The following FAT3 variants were observed in gnomAD, a reference collection of about 807,000 sequenced individuals.
FAT3 encodes the protein FAT atypical cadherin 3, also known as protocadherin Fat 3.
FAT3 carries 95 observed loss-of-function variants against 310.2 expected under a neutral mutation model. The ratio of observed to expected loss-of-function variants is 0.31; its 90% CI spans 0.26 to 0.36. The LOEUF (loss-of-function observed/expected upper bound fraction) is 0.36, where lower values mean the gene tolerates loss of function less well. FAT3 is among the 10% of genes least tolerant of loss of function. The probability of loss-of-function intolerance (pLI) is 1.00; values close to 1 mark genes in which losing one functional copy is unlikely to be tolerated. For missense variants in FAT3, 5,408 were observed against 5,715.6 expected, an observed-to-expected ratio of 0.95 and a Z score of 1.74; for synonymous variants, 2,314 against 2,192.9, an observed-to-expected ratio of 1.06 and a Z score of -1.54.
chr11:92,266,208 G>A (rs997141578), intron 1 of FAT3, among the ~76,000 whole-genome samples: 18 of 152,204 alleles, frequency 1.2e-4, no homozygotes, highest in African/African-American at 3.4e-4. Flanking sequence ...ATTTCTCTTC[G>A]AAATTCATTG....
At position 92,497,569 on chromosome 11, in the gene FAT3, C is replaced by G. The variant is rs558120057; in HGVS notation, c.3293-27065C>G. On this transcript the variant is annotated intron_variant, in intron 2 of 27. Transcript: ENST00000525166. ...AGAAATGTAATAGTTGGCTGGAGGT[C>G]ACACAGCTACTTAATGACAGAGTCA... Among the ~76,000 whole-genome samples, 7 of 152,112 alleles carry G rather than the reference C, an allele frequency of 4.6e-5. No homozygotes were observed. The East Asian group carries it at 1.2e-3, about 25-fold the overall frequency.
intron 19 of FAT3, among the ~76,000 whole-genome samples, chr11:92,846,332 A>C (rs139758335): frequency 6.6e-6 from 1 of 152,188 alleles, no homozygotes; most frequent in Non-Finnish European, 1.5e-5. Context: ...CAAAAAAGAT[A>C]CAGTTACTGC....
In FAT3 at chr11:92,847,934, C is replaced by A. The variant is rs550735226; in HGVS notation, c.11365+3202C>A. Among the ~76,000 whole-genome samples the A allele has an allele frequency of 7.9e-5, 12 of 152,138 alleles. No homozygotes were observed. The South Asian group carries it at 2.5e-3, about 32-fold the overall frequency. On this transcript the variant is annotated intron_variant, in intron 19 of 27. Transcript: ENST00000525166. ...CTCCCCCCAAACACACACACACACA[C>A]ACACACAGACGTGCACCCACAGGTG...
chr11:92,466,555 CTT>C (rs903515077), intron 2 of FAT3, among the ~76,000 whole-genome samples: 1 of 148,824 alleles, frequency 6.7e-6, no homozygotes. Flanking sequence ...TTCCGCATAT[CTT>C]TTTTTTTTAA....
In FAT3 at chr11:92,798,672, G is replaced by A. The variant is rs780105213; in HGVS notation, c.5659G>A (p.Val1887Met). 17 of 1,613,646 alleles carry A rather than the reference G, an allele frequency of 1.1e-5. No individual in the cohort carries two copies. The Admixed American group carries it at 1.8e-4, about 17-fold the overall frequency. Residue 1887 changes from valine to methionine, a missense_variant, in exon 10 of 28, where the codon GTG becomes ATG. This residue lies in a region of FAT3 where 4,588 missense variants were observed against 4,809.8 expected (regional missense o/e 0.95). Transcript: ENST00000525166. ...NDNPPVFTQAVFETILLLPTY... is the reference protein window; with the variant it reads ...NDNPPVFTQAMFETILLLPTY... ...TAACCCACCTGTTTTTACTCAGGCT[G>A]TGTTTGAGACTATCTTACTTCTACC...
intron 1 of FAT3, among the ~76,000 whole-genome samples, chr11:92,257,939 A>G (rs921889132): frequency 6.6e-6 from 1 of 152,144 alleles, no homozygotes; most frequent in Non-Finnish European, 1.5e-5. Context: ...TACCTCAAAC[A>G]TTCACATATG....
chr11:92,396,332 C>A (rs984109013), intron 2 of FAT3, among the ~76,000 whole-genome samples: 3 of 152,130 alleles, frequency 2.0e-5, no homozygotes, highest in Non-Finnish European at 4.4e-5. Context: ...GTTTACTTAT[C>A]TAAACCTTGG....
intron 1 of FAT3, among the ~76,000 whole-genome samples, chr11:92,232,984 T>C (rs1864252610): frequency 6.6e-6 from 1 of 152,224 alleles, no homozygotes. Flanking sequence ...ATCCTTTTTA[T>C]TCCTGACTGT....
chr11:92,396,809 C>T (rs973652948), intron 2 of FAT3, among the ~76,000 whole-genome samples: 4 of 152,098 alleles, frequency 2.6e-5, no homozygotes, highest in Non-Finnish European at 4.4e-5. Context: ...GGGGTTGAAG[C>T]GATTCTCCTG....
At chr11:92,697,127 T>G (rs1032810824) in intron 3 of FAT3, among the ~76,000 whole-genome samples, 4 of 152,208 alleles carry the variant, frequency 2.6e-5, no homozygotes, top group Admixed American at 6.5e-5. Flanking sequence ...CAGAAGTTTT[T>G]TTAGTGATTT....
Position 92,353,924 on chromosome 11 carries a change from T to C in FAT3, c.1812T>C (p.Asp604=). The part of the protein sequence containing the change: ...GGHITAVSAI[D]IDELELVKYK... ...ACATCACAGCAGTCTCAGCGATCGA[T>C]ATCGATGAACTTGAACTTGTAAAGT... The change falls in exon 2 of 28, where the codon GAT becomes GAC. Residue 604 remains aspartate (D), a synonymous_variant. Coordinates refer to ENST00000525166, the MANE Select transcript of FAT3 (RefSeq NM_001367949.2). 1 of 1,611,910 alleles carries C rather than the reference T, an allele frequency of 6.2e-7. No individual in the cohort carries two copies. Among genetic ancestry groups the C allele is most frequent in the African/African-American group, 1.3e-5 (1 of 75,028 alleles).
intron 2 of FAT3, among the ~76,000 whole-genome samples, chr11:92,518,428 G>C (rs924401299): frequency 6.6e-6 from 1 of 152,000 alleles, no homozygotes; most frequent in African/African-American, 2.4e-5. Flanking sequence ...ACCAGACCCT[G>C]CACGTTCTCA....
chr11:92,703,174 AT>A (rs775057049), intron 4 of FAT3, among the ~76,000 whole-genome samples: 54 of 152,284 alleles, frequency 3.5e-4, no homozygotes, highest in Non-Finnish European at 6.6e-4. Context: ...AGGGAAAAAA[AT>A]ATTGTTCTTT....
At chr11:92,580,002 C>T (rs956228769) in intron 3 of FAT3, among the ~76,000 whole-genome samples, 12 of 152,042 alleles carry the variant, frequency 7.9e-5, no homozygotes, top group African/African-American at 2.9e-4. Flanking sequence ...ATTACATAAA[C>T]ACAGTTATTC....
intron 3 of FAT3, among the ~76,000 whole-genome samples, chr11:92,603,409 A>C (rs1413162178): frequency 6.6e-6 from 1 of 152,218 alleles, no homozygotes; most frequent in Non-Finnish European, 1.5e-5. Context: ...TCTCAAGATT[A>C]ATTGCTTGAT....
intron 3 of FAT3, among the ~76,000 whole-genome samples, chr11:92,596,684 A>T (rs1005999715): frequency 3.9e-5 from 6 of 152,188 alleles, no homozygotes; most frequent in Admixed American, 2.0e-4. Context: ...TGTGTTTATT[A>T]AAAAAGTTTT....
intron 1 of FAT3, among the ~76,000 whole-genome samples, chr11:92,348,210 A>G (rs1189202668): frequency 6.6e-6 from 1 of 152,134 alleles, no homozygotes; most frequent in Admixed American, 6.5e-5. Context: ...ACTGAATTTG[A>G]CAAACTTAGT....
intron 3 of FAT3, among the ~76,000 whole-genome samples, chr11:92,553,075 G>C (rs1954878044): frequency 6.6e-6 from 1 of 152,020 alleles, no homozygotes; most frequent in Non-Finnish European, 1.5e-5. Flanking sequence ...AGAAAAACAA[G>C]AGCACTTTTC....
At chr11:92,595,953 C>A (rs190719984) in intron 3 of FAT3, among the ~76,000 whole-genome samples, 3 of 152,022 alleles carry the variant, frequency 2.0e-5, no homozygotes, top group Non-Finnish European at 4.4e-5. Flanking sequence ...TAACCTGGAA[C>A]AAGAGAGTAC....
Sources: gnomAD v4.1 joint callset for allele counts (sites outside exome capture counted in the v4.1 genomes callset) on GRCh38, gnomAD v4.1.1 for gene constraint, gnomAD v4.1.1 regional missense constraint, MANE v1.5 for transcripts, NCBI Gene and HGNC (gene_info 2026-07-23, HGNC 2026-07-21) for gene names.